Variants in HYCC2 observed in about 807,000 individuals in gnomAD.
HYCC2 encodes the protein hyccin PI4KA lipid kinase complex subunit 2, also known as hyccin 2.
chr2:201,004,908 T>C, the HYCC2 span, among the ~76,000 whole-genome samples: 2 of 151,470 alleles, frequency 1.3e-5, no homozygotes, highest in Non-Finnish European at 2.9e-5. Flanking sequence ...TCCCAGCTAC[T>C]TGGGAGCCTG....
chr2:201,029,162 T>G, the HYCC2 span, among the ~76,000 whole-genome samples: 8 of 152,164 alleles, frequency 5.3e-5, no homozygotes, highest in Admixed American at 5.2e-4. Flanking sequence ...GAACAGACAC[T>G]TCTCAAAAGA....
chr2:201,042,675 CGGCAGCCGCCCAGTCCGGGAGCTGGGG>C, the HYCC2 span, among the ~76,000 whole-genome samples: 7 of 151,564 alleles, frequency 4.6e-5, no homozygotes, highest in Non-Finnish European at 8.9e-5. Context: ...CGTCTCCGCC[CGGCAGCCGCCCAGTCCGGGAGCTGGGG>C]GGCAGCCCCC....
the HYCC2 span, among the ~76,000 whole-genome samples, chr2:201,021,141 ATGTT>A: frequency 6.6e-6 from 1 of 152,316 alleles, no homozygotes; most frequent in East Asian, 1.9e-4. Flanking sequence ...CCTAAATAGT[ATGTT>A]TGTTTCTTTC....
chr2:201,030,508 CATAT>C, the HYCC2 span, among the ~76,000 whole-genome samples: 1 of 151,428 alleles, frequency 6.6e-6, no homozygotes, highest in East Asian at 1.9e-4. Context: ...ATGTTCACAT[CATAT>C]ATAGTGTTCT....
the HYCC2 span, among the ~76,000 whole-genome samples, chr2:201,025,370 T>C: frequency 5.0e-4 from 76 of 151,930 alleles, 2 homozygotes; most frequent in South Asian, 0.015. Flanking sequence ...AATCCAGATG[T>C]ACACCCACTT....
the HYCC2 span, among the ~76,000 whole-genome samples, chr2:201,003,432 T>C: frequency 6.6e-6 from 1 of 152,076 alleles, no homozygotes; most frequent in Non-Finnish European, 1.5e-5. Context: ...TGCAGTGAGC[T>C]GAGATCGCAC....
At chr2:201,064,438 C>T in the HYCC2 span, among the ~76,000 whole-genome samples, 1 of 151,924 alleles carries the variant, frequency 6.6e-6, no homozygotes, top group Non-Finnish European at 1.5e-5. Context: ...TAAATTTCCC[C>T]AACAGTGTGA....
chr2:200,979,274 C>G, the HYCC2 span: 1 of 150,980 alleles, frequency 6.6e-6, no homozygotes, highest in Non-Finnish European at 1.5e-5. Context: ...TACACACACA[C>G]ACACACACAC....
At chr2:201,039,174 C>T in the HYCC2 span, among the ~76,000 whole-genome samples, 2 of 152,278 alleles carry the variant, frequency 1.3e-5, no homozygotes, top group East Asian at 3.9e-4. Context: ...CCCCATTACT[C>T]TGCCCATTTT....
chr2:200,976,406 A>G, the HYCC2 span: 1 of 152,164 alleles, frequency 6.6e-6, no homozygotes, highest in Non-Finnish European at 1.5e-5. Context: ...CAGTGTTTGT[A>G]ATAAATAGGG....
At chr2:201,024,415 G>A in the HYCC2 span, among the ~76,000 whole-genome samples, 4 of 152,008 alleles carry the variant, frequency 2.6e-5, no homozygotes, top group African/African-American at 7.2e-5. Context: ...CTTGACCACC[G>A]GAGATAGAGG....
At chr2:201,038,626 A>C in the HYCC2 span, among the ~76,000 whole-genome samples, 3 of 152,192 alleles carry the variant, frequency 2.0e-5, no homozygotes, top group Non-Finnish European at 2.9e-5. Context: ...CATCATTCTC[A>C]GCAAACTATC....
chr2:201,003,936 C>T, the HYCC2 span, among the ~76,000 whole-genome samples: 1 of 151,058 alleles, frequency 6.6e-6, no homozygotes, highest in Non-Finnish European at 1.5e-5. Flanking sequence ...GCCTCAGCCT[C>T]CCGAGTAGCT....
At chr2:201,031,624 G>A in the HYCC2 span, among the ~76,000 whole-genome samples, 37 of 152,100 alleles carry the variant, frequency 2.4e-4, no homozygotes, top group Non-Finnish European at 4.3e-4. Context: ...GCACTCTAGC[G>A]TGGGCGACAA....
At chr2:201,064,191 C>T in the HYCC2 span, 6 of 718,566 alleles carry the variant, frequency 8.3e-6, no homozygotes, top group African/African-American at 1.7e-5. Context: ...TAGACAAATA[C>T]TCATGTGTAT....
chr2:200,974,272 G>C, the HYCC2 span: 1 of 151,318 alleles, frequency 6.6e-6, no homozygotes, highest in Non-Finnish European at 1.5e-5. Context: ...ACATATGAAA[G>C]TGAGATAGTT....
At chr2:201,019,720 G>A in the HYCC2 span, among the ~76,000 whole-genome samples, 6 of 151,252 alleles carry the variant, frequency 4.0e-5, no homozygotes, top group South Asian at 2.1e-4. Context: ...TCAAGTCACC[G>A]CACTCCAGCC....
the HYCC2 span, among the ~76,000 whole-genome samples, chr2:201,057,426 A>G: frequency 1.1e-4 from 17 of 152,336 alleles, 1 homozygote; most frequent in South Asian, 3.3e-3. Context: ...ATAGATATGC[A>G]ATGCTGACCC....
the HYCC2 span, chr2:200,988,304 T>C: frequency 4.3e-6 from 7 of 1,613,626 alleles, no homozygotes; most frequent in East Asian, 2.2e-5. Flanking sequence ...GCTGTTGTAA[T>C]TGCAGTCCGA....
Sources: gnomAD v4.1 joint callset for allele counts (sites outside exome capture counted in the v4.1 genomes callset) on GRCh38, gnomAD v4.1.1 for gene constraint, MANE v1.5 for transcripts, NCBI Gene and HGNC (gene_info 2026-07-23, HGNC 2026-07-21) for gene names.